DARS1: variants seen among roughly 807,000 people sequenced by gnomAD.
The protein encoded by DARS1 is aspartate--tRNA ligase, cytoplasmic.
DARS1 carries 51 observed loss-of-function variants against 68.8 expected under a neutral mutation model. That is an observed-to-expected ratio of 0.74 (90% CI 0.59 to 0.94). The LOEUF (loss-of-function observed/expected upper bound fraction) is 0.94, where lower values mean the gene tolerates loss of function less well. Among genes scored for constraint, DARS1 ranks in the 40% least tolerant of loss-of-function variants. The pLI is 0.00. For missense variants in DARS1, 607 were observed against 597.3 expected (o/e 1.02, Z -0.17); for synonymous variants, 203 against 190.4 (o/e 1.07, Z -0.55).
At chr2:135,984,654 C>A (rs1267449136) in intron 1 of DARS1, among the ~76,000 whole-genome samples, 1 of 152,136 alleles carries the variant, frequency 6.6e-6, no homozygotes, top group Non-Finnish European at 1.5e-5. Context: ...CTAAGATGAC[C>A]TTACTTCTCA....
At chr2:135,910,910 C>T (rs1680882092) in intron 15 of DARS1, 1 of 432,916 alleles carries the variant, frequency 2.3e-6, no homozygotes, top group African/African-American at 2.1e-5. Context: ...AGAGAGAAAA[C>T]AGGATACTCC....
chr2:135,959,372 C>T lies in DARS1; in HGVS notation c.320+2024G>A, dbSNP rs1389036762. ...CGCCATTGCACTCCAGCCTGGGCAA[C>T]AAGAGTGAAACTCCGTCTCAAAAAA... is the stretch of plus-strand genomic sequence containing the variant. On this transcript the variant is annotated intron_variant, in intron 4 of 15. Transcript: ENST00000264161. 1.0e-4 allele frequency among the ~76,000 whole-genome samples: 7 copies of T among 67,976 alleles called. No individual in the cohort carries two copies. The East Asian group carries it at 2.0e-3, about 20-fold the overall frequency. The allele number at this position is 67,976 out of a possible 152,430, so 44.6% of individuals were successfully genotyped here. A position where few individuals can be genotyped will look rare whatever the true frequency, so the allele number is the denominator to read the frequency against.
At chr2:135,934,824 C>T (rs1392117399) in intron 5 of DARS1, among the ~76,000 whole-genome samples, 1 of 147,846 alleles carries the variant, frequency 6.8e-6, no homozygotes, top group Non-Finnish European at 1.5e-5. Flanking sequence ...AGACGGAGTC[C>T]CACTCTGTCA....
chr2:135,913,949 A>T (rs1680949091), intron 12 of DARS1, among the ~76,000 whole-genome samples: 1 of 152,222 alleles, frequency 6.6e-6, no homozygotes, highest in South Asian at 2.1e-4. Context: ...TGCCACCAGT[A>T]GGAGGAGCTC....
At chr2:135,935,336 C>T (rs2104812143) in intron 5 of DARS1, among the ~76,000 whole-genome samples, 1 of 152,068 alleles carries the variant, frequency 6.6e-6, no homozygotes, top group East Asian at 2.0e-4. Context: ...GTGGCTCACG[C>T]CTGTAATCCC....
In DARS1 at chr2:135,966,831, AT is replaced by A. The variant is rs1241324557; in HGVS notation, c.218-5334del. On this transcript the variant is annotated intron_variant, in intron 3 of 15. Coordinates refer to ENST00000264161, the MANE Select transcript of DARS1 (RefSeq NM_001349.4). ...TTACAAGCCTGGTCTATCTTTTGAT[AT>A]TTTAAATTTAAATTCTTAACACTTA... Among the ~76,000 whole-genome samples, 4 of 152,160 alleles carry A rather than the reference AT, an allele frequency of 2.6e-5. No homozygotes were observed. In the South Asian group the frequency reaches 6.2e-4, roughly 24 times the overall value.
At position 135,956,376 on chromosome 2, in the gene DARS1, T is replaced by C. The variant is rs79778906; in HGVS notation, c.320+5020A>G. ...ATCAGGAGAAACAGAAGATTCTGGC[T>C]AAAATGACCTAACAGGATTCTTGTT... On this transcript the variant is annotated intron_variant, in intron 4 of 15. Coordinates refer to ENST00000264161, the MANE Select transcript of DARS1 (RefSeq NM_001349.4). Among the ~76,000 whole-genome samples the C allele has an allele frequency of 8.6e-3, 1,309 of 152,266 alleles. 16 individuals carry two copies. Among genetic ancestry groups the C allele is most frequent in the African/African-American group, 0.028 (1,155 of 41,526 alleles).
chr2:135,981,496 TG>T (rs1488908856), intron 2 of DARS1, among the ~76,000 whole-genome samples: 2 of 152,166 alleles, frequency 1.3e-5, no homozygotes, highest in Non-Finnish European at 2.9e-5. Flanking sequence ...CGGAGGATTT[TG>T]GATTTTCAGA....
intron 12 of DARS1, among the ~76,000 whole-genome samples, chr2:135,913,930 A>C (rs1226031357): frequency 6.6e-6 from 1 of 152,228 alleles, no homozygotes; most frequent in Non-Finnish European, 1.5e-5. Context: ...CTAGTCTAAC[A>C]GTTTCAACTG....
chr2:135,971,078 C>A (rs942415636), intron 3 of DARS1, among the ~76,000 whole-genome samples: 13 of 152,278 alleles, frequency 8.5e-5, no homozygotes, highest in African/African-American at 3.1e-4. Flanking sequence ...AGAGAAAATA[C>A]TTCCAAACTC....
intron 6 of DARS1, 133 bp from the exon 7 acceptor site, chr2:135,932,975 C>A: frequency 1.8e-6 from 1 of 550,344 alleles, no homozygotes; most frequent in Non-Finnish European, 3.2e-6. Flanking sequence ...GCCCGAAAAT[C>A]AGATAATGGT....
At chr2:135,957,238 T>G (rs1681996805) in intron 4 of DARS1, among the ~76,000 whole-genome samples, 1 of 151,804 alleles carries the variant, frequency 6.6e-6, no homozygotes, top group Non-Finnish European at 1.5e-5. Context: ...CTAATTTTTT[T>G]TTTTTTTGAG....
At chr2:135,937,976 T>C (rs1681506259) in intron 5 of DARS1, among the ~76,000 whole-genome samples, 1 of 152,234 alleles carries the variant, frequency 6.6e-6, no homozygotes, top group Non-Finnish European at 1.5e-5. Context: ...GTCTTGGAGT[T>C]GCTCTTCTCG....
chr2:135,916,695 T>A (rs908918348), intron 10 of DARS1, among the ~76,000 whole-genome samples: 1 of 152,188 alleles, frequency 6.6e-6, no homozygotes, highest in Admixed American at 6.5e-5. Context: ...ATTCTTGTTA[T>A]CACTGAGGAA....
intron 12 of DARS1, 100 bp from the exon 13 acceptor site, chr2:135,912,666 T>C: frequency 5.5e-6 from 3 of 542,184 alleles, no homozygotes; most frequent in Middle Eastern, 4.9e-4. Flanking sequence ...TCTTCGTAAT[T>C]ACTCTAATTA....
Position 135,979,314 on chromosome 2 carries a change from A to G in DARS1, c.177T>C (p.Val59=). The G allele has an allele frequency of 6.5e-7, 1 of 1,527,940 alleles. No individual in the cohort carries two copies. The highest frequency in any genetic ancestry group is 1.1e-5 in the South Asian group (1 of 89,362). 94.6% of individuals were successfully genotyped at this position (1,527,940 alleles called of 1,614,324 possible). Residue 59 remains valine, a synonymous_variant, in exon 3 of 16, where the codon GTT becomes GTC. Transcript: ENST00000264161. ...TATGAACTCTTGCACGTACCCAAACAACTTCATCAGCTTTTTGTATTGTCA... is the reference window on the plus strand; with the variant it reads ...TATGAACTCTTGCACGTACCCAAACGACTTCATCAGCTTTTTGTATTGTCA... ...RDLTIQKADE[V]VWVRARVHTS...
At chr2:135,958,796 A>G (rs1265834536) in intron 4 of DARS1, among the ~76,000 whole-genome samples, 1 of 152,214 alleles carries the variant, frequency 6.6e-6, no homozygotes, top group Non-Finnish European at 1.5e-5. Flanking sequence ...CAAAAGTTTA[A>G]TAATAGTTAT....
intron 5 of DARS1, among the ~76,000 whole-genome samples, chr2:135,940,728 T>C (rs1681576608): frequency 6.6e-6 from 1 of 152,204 alleles, no homozygotes; most frequent in Non-Finnish European, 1.5e-5. Flanking sequence ...TTGTCCCTGT[T>C]TGCAGATGAC....
At chr2:135,941,994 T>A (rs974266714) in intron 5 of DARS1, among the ~76,000 whole-genome samples, 62 of 152,070 alleles carry the variant, frequency 4.1e-4, no homozygotes, top group Non-Finnish European at 5.7e-4. Flanking sequence ...CATTAAAAAG[T>A]CAGGAAACAA....
Sources: gnomAD v4.1 joint callset for allele counts (sites outside exome capture counted in the v4.1 genomes callset) on GRCh38, gnomAD v4.1.1 for gene constraint, MANE v1.5 for transcripts, NCBI Gene and HGNC (gene_info 2026-07-23, HGNC 2026-07-21) for gene names.